The following GPR39 variants were observed in gnomAD, a reference collection of about 807,000 sequenced individuals.
GPR39 encodes G protein-coupled receptor 39, also known as zinc sensing receptor.
Under a neutral mutation model 18.4 loss-of-function variants are expected in GPR39, and 23 were observed. The ratio of observed to expected loss-of-function variants is 1.25; its 90% CI spans 0.90 to 1.77. The LOEUF is 1.77. Ranked by LOEUF, GPR39 falls within the 40% of genes most tolerant of loss-of-function variation. The probability of loss-of-function intolerance (pLI) is 0.00; values close to 1 mark genes in which losing one functional copy is unlikely to be tolerated. For missense variants in GPR39, 647 were observed against 602.4 expected, an observed-to-expected ratio of 1.07 and a Z score of -0.78; for synonymous variants, 280 against 257.9, an observed-to-expected ratio of 1.09 and a Z score of -0.82.
At chr2:132,576,741 G>A (rs1396968532) in intron 1 of GPR39, among the ~76,000 whole-genome samples, 3 of 152,114 alleles carry the variant, frequency 2.0e-5, no homozygotes, top group Non-Finnish European at 4.4e-5. Flanking sequence ...CAGAAATTTA[G>A]TTTTATATGC....
intron 1 of GPR39, among the ~76,000 whole-genome samples, chr2:132,569,233 G>C (rs1460820689): frequency 6.6e-6 from 1 of 152,098 alleles, no homozygotes; most frequent in Non-Finnish European, 1.5e-5. Context: ...TTGATTTTTG[G>C]AGGACTAGTA....
rs554053285 is a variant in GPR39 at position 132,529,601 on chromosome 2, C to T, written c.856+111703C>T. 7.2e-5 allele frequency among the ~76,000 whole-genome samples: 11 copies of T among 152,326 alleles called. No individual in the cohort carries two copies. In the East Asian group the frequency reaches 1.5e-3, roughly 21 times the overall value. ...TGAGTAGCCTAAGTGGGAGGCATCC[C>T]CCAGTAGGGGCGGACTGACACCTCA... On this transcript the variant is annotated intron_variant, in intron 1 of 1. Coordinates refer to ENST00000329321, the MANE Select transcript of GPR39 (RefSeq NM_001508.3).
intron 1 of GPR39, among the ~76,000 whole-genome samples, chr2:132,435,107 T>A (rs1362863770): frequency 6.6e-6 from 1 of 152,126 alleles, no homozygotes; most frequent in Non-Finnish European, 1.5e-5. Context: ...ACACTGAAAG[T>A]AAAGCAAACG....
intron 1 of GPR39, among the ~76,000 whole-genome samples, chr2:132,617,226 CT>C (rs112636690): frequency 0.016 from 2,365 of 143,498 alleles, 26 homozygotes; most frequent in African/African-American, 0.029. Flanking sequence ...AATATTTGCA[CT>C]TTTTTTTTTT....
chr2:132,589,761 G>C (rs1209054550), intron 1 of GPR39, among the ~76,000 whole-genome samples: 3 of 152,212 alleles, frequency 2.0e-5, no homozygotes, highest in Non-Finnish European at 2.9e-5. Flanking sequence ...CTAACTGCCA[G>C]AGCCATAAAG....
chr2:132,524,024 G>C (rs780558283), intron 1 of GPR39: 4 of 152,676 alleles, frequency 2.6e-5, no homozygotes, highest in African/African-American at 4.8e-5. Context: ...CAGACCTGCT[G>C]AATCAGAAAC....
intron 1 of GPR39, among the ~76,000 whole-genome samples, chr2:132,446,016 G>T (rs1051657832): frequency 6.6e-6 from 1 of 152,134 alleles, no homozygotes; most frequent in Non-Finnish European, 1.5e-5. Flanking sequence ...TTTTGAGGAA[G>T]GGGGTGAAGT....
At chr2:132,546,296 G>C (rs1055131420) in intron 1 of GPR39, among the ~76,000 whole-genome samples, 1 of 152,194 alleles carries the variant, frequency 6.6e-6, no homozygotes, top group Non-Finnish European at 1.5e-5. Context: ...CAAGCCCCCA[G>C]TGAATTTTAA....
At chr2:132,425,364 G>A (rs1225137801) in intron 1 of GPR39, among the ~76,000 whole-genome samples, 2 of 152,092 alleles carry the variant, frequency 1.3e-5, no homozygotes, top group African/African-American at 4.8e-5. Flanking sequence ...TACTGGGTTG[G>A]GGGCAGAGTA....
intron 1 of GPR39, among the ~76,000 whole-genome samples, chr2:132,630,735 T>A (rs1235880993): frequency 2.0e-5 from 3 of 151,956 alleles, no homozygotes; most frequent in Non-Finnish European, 4.4e-5. Flanking sequence ...GGGACAGATT[T>A]GGGAGGTATA....
intron 1 of GPR39, among the ~76,000 whole-genome samples, chr2:132,420,541 A>G (rs958093984): frequency 2.6e-5 from 4 of 152,218 alleles, no homozygotes; most frequent in Admixed American, 6.5e-5. Context: ...TTAGTATTTC[A>G]TTTCACAGAT....
intron 1 of GPR39, among the ~76,000 whole-genome samples, chr2:132,552,089 T>C (rs1680054203): frequency 6.6e-6 from 1 of 152,234 alleles, no homozygotes; most frequent in Admixed American, 6.5e-5. Context: ...GAAAAAAATA[T>C]ATCTATACTG....
At chr2:132,517,773 C>T (rs754119626) in intron 1 of GPR39, among the ~76,000 whole-genome samples, 4 of 152,116 alleles carry the variant, frequency 2.6e-5, no homozygotes, top group Non-Finnish European at 4.4e-5. Context: ...TTACCTCTTG[C>T]CAGGATTCTT....
chr2:132,602,041 A>G (rs1681051332), intron 1 of GPR39, among the ~76,000 whole-genome samples: 1 of 152,076 alleles, frequency 6.6e-6, no homozygotes, highest in Admixed American at 6.6e-5. Flanking sequence ...AGAAAAAAAA[A>G]AACCTTAAAT....
intron 1 of GPR39, among the ~76,000 whole-genome samples, chr2:132,439,539 G>A (rs888490635): frequency 1.3e-5 from 2 of 152,140 alleles, no homozygotes; most frequent in Admixed American, 1.3e-4. Flanking sequence ...ATAGCAAAAA[G>A]CTACCACTCA....
In GPR39 at chr2:132,451,147, C is replaced by CTGTGTGTGTG. The variant is rs34508615; in HGVS notation, c.856+33268_856+33277dup. Among the ~76,000 whole-genome samples the CTGTGTGTGTG allele has an allele frequency of 6.6e-3, 696 of 106,078 alleles. 6 individuals carry two copies. Among genetic ancestry groups the CTGTGTGTGTG allele is most frequent in the African/African-American group, 0.018 (628 of 35,608 alleles). The allele number at this position is 106,078 out of a possible 152,430, so 69.6% of individuals were successfully genotyped here. The stretch of plus-strand genomic sequence containing the variant: ...CTGAGAGCCATTGCTATCTTTGAGG[C>CTGTGTGTGTG]TGTGTGTGTGTGTGTGTGTGTGTGT... On this transcript the variant is annotated intron_variant, in intron 1 of 1. Transcript: ENST00000329321.
intron 1 of GPR39, among the ~76,000 whole-genome samples, chr2:132,548,271 T>C (rs1003063097): frequency 9.2e-5 from 14 of 152,182 alleles, no homozygotes; most frequent in African/African-American, 3.1e-4. Context: ...GTTTTTAGTT[T>C]AAATAACATA....
At chr2:132,462,786 G>C (rs1036795474) in intron 1 of GPR39, among the ~76,000 whole-genome samples, 2 of 152,170 alleles carry the variant, frequency 1.3e-5, no homozygotes, top group Admixed American at 6.5e-5. Flanking sequence ...TTTGTGAAAT[G>C]GAGATGATGG....
At chr2:132,508,578 A>G (rs188493863) in intron 1 of GPR39, among the ~76,000 whole-genome samples, 23 of 119,156 alleles carry the variant, frequency 1.9e-4, no homozygotes, top group African/African-American at 6.6e-4. Flanking sequence ...ACCTCCATGC[A>G]TTGAAATGAC....
Sources: allele counts gnomAD v4.1 joint callset (sites outside exome capture counted in the v4.1 genomes callset), GRCh38; gene constraint gnomAD v4.1.1; transcripts MANE v1.5; gene names NCBI Gene and HGNC (gene_info 2026-07-23, HGNC 2026-07-21).